Variants in DHX32 observed in about 807,000 individuals in gnomAD.
DHX32 encodes the protein DEAH-box helicase 32 (putative).
Under a neutral mutation model 70.0 loss-of-function variants are expected in DHX32, and 51 were observed. That is an observed-to-expected ratio of 0.73 (90% confidence interval 0.58 to 0.92). The LOEUF is 0.92. Ranked by LOEUF, DHX32 falls within the 40% of genes least tolerant of loss-of-function variation. DHX32 has a pLI of 0.00. For missense variants in DHX32, 762 were observed against 891.8 expected (o/e 0.85, Z 1.85); for synonymous variants, 310 against 315.3 (o/e 0.98, Z 0.18).
At position 125,887,285 on chromosome 10, in the gene DHX32, G is replaced by C. The variant is rs1270318366; in HGVS notation, c.-247-6214C>G. Among the ~76,000 whole-genome samples the C allele has an allele frequency of 2.6e-5, 4 of 152,308 alleles. No individual in the cohort carries two copies. In the East Asian group the frequency reaches 7.7e-4, roughly 29 times the overall value. ...ACATGGTAGGGACACAGTTTGAACA[G>C]GCAGGTCTGGTTAGGTGAGGCTGAG... On this transcript the variant is annotated intron_variant, in intron 1 of 2. Transcript: ENST00000415732.
At position 125,836,815 on chromosome 10, in the gene DHX32, G is replaced by A. The variant is rs748816351; in HGVS notation, c.2104C>T (p.Pro702Ser). 3 of 1,613,992 alleles carry A rather than the reference G, an allele frequency of 1.9e-6. No homozygotes were observed. The highest frequency in any genetic ancestry group is 2.5e-6 in the Non-Finnish European group (3 of 1,180,002). ...AGAATGTCCTTACTTTCACTAGGAG[G>A]CAGATTACTGAAATAGTATTGTGGT... Reference protein sequence around the residue: ...LVPQYYFSNLPPSESKDILQQ... With the variant: ...LVPQYYFSNLSPSESKDILQQ... The change falls in exon 11 of 11, where the codon CCT becomes TCT. Residue 702 changes from proline (P) to serine (S), a missense_variant. Pro to Ser is a moderately conservative substitution (Grantham distance 74). Transcript: ENST00000284690.
At chr10:125,886,392 T>C (rs1944341337) in intron 1 of DHX32, among the ~76,000 whole-genome samples, 1 of 152,214 alleles carries the variant, frequency 6.6e-6, no homozygotes, top group Non-Finnish European at 1.5e-5. Flanking sequence ...TTGTTTTCTG[T>C]TGGTGCCCTT....
chr10:125,875,769 T>C (rs576762269), intron 1 of DHX32, among the ~76,000 whole-genome samples: 3 of 152,350 alleles, frequency 2.0e-5, no homozygotes, highest in Non-Finnish European at 2.9e-5. Flanking sequence ...AACTCCATCT[T>C]GCCTTTCACC....
At chr10:125,877,408 C>T (rs1944290929) in intron 1 of DHX32, among the ~76,000 whole-genome samples, 1 of 152,102 alleles carries the variant, frequency 6.6e-6, no homozygotes, top group Admixed American at 6.5e-5. Flanking sequence ...AACTTTAGGG[C>T]AGGTACAGTG....
At chr10:125,855,170 C>T (rs1438090407) in intron 3 of DHX32, among the ~76,000 whole-genome samples, 11 of 149,860 alleles carry the variant, frequency 7.3e-5, no homozygotes, top group African/African-American at 2.5e-4. Context: ...TGCAGCGAGC[C>T]GAGATCGTGC....
chr10:125,869,363 G>C (rs1944242651), intron 1 of DHX32: 1 of 152,138 alleles, frequency 6.6e-6, no homozygotes, highest in Non-Finnish European at 1.5e-5. Flanking sequence ...ATCACCTGAG[G>C]TCAGGAGTTC....
chr10:125,851,571 T>C, intron 6 of DHX32, among the ~76,000 whole-genome samples: 1 of 152,074 alleles, frequency 6.6e-6, no homozygotes, highest in Non-Finnish European at 1.5e-5. Context: ...GGAAGAGCAA[T>C]TTTCAAAAAT....
At chr10:125,871,856 T>G (rs1397196063) in intron 1 of DHX32, among the ~76,000 whole-genome samples, 2 of 142,802 alleles carry the variant, frequency 1.4e-5, no homozygotes, top group African/African-American at 2.7e-5. Flanking sequence ...TAGTTCTGCT[T>G]CTTTTCTTTT....
At chr10:125,886,670 G>T (rs1477045230) in intron 1 of DHX32, among the ~76,000 whole-genome samples, 5 of 152,312 alleles carry the variant, frequency 3.3e-5, no homozygotes, top group African/African-American at 1.2e-4. Flanking sequence ...TATTTGTAGA[G>T]GCTCCTGGTC....
At chr10:125,838,855 T>A (rs545796355) in intron 9 of DHX32, 146 bp downstream of exon 9, 1 of 956,776 alleles carries the variant, frequency 1.0e-6, no homozygotes, top group South Asian at 1.7e-5. Context: ...AGGGGAAGGA[T>A]ACTTAAGTAC....
intron 10 of DHX32, among the ~76,000 whole-genome samples, chr10:125,837,433 C>G (rs1389845903): frequency 6.6e-6 from 1 of 152,262 alleles, no homozygotes; most frequent in African/African-American, 2.4e-5. Context: ...AGTTATTTTT[C>G]CTTTTTTCTT....
chr10:125,868,918 C>T (rs1229903329), intron 1 of DHX32, among the ~76,000 whole-genome samples: 1 of 152,122 alleles, frequency 6.6e-6, no homozygotes, highest in Non-Finnish European at 1.5e-5. Context: ...CCTGAGGTTG[C>T]TGTTTGTTCC....
In DHX32 at chr10:125,859,962, C is replaced by T. The variant is rs1944175554; in HGVS notation, c.490G>A (p.Asp164Asn). The T allele has an allele frequency of 6.3e-7, 1 of 1,597,460 alleles. No individual in the cohort carries two copies. The highest frequency in any genetic ancestry group is 2.2e-5 in the East Asian group (1 of 44,794). Residue 164 changes from aspartate (D) to asparagine (N), a missense_variant, in exon 3 of 11, where the codon GAT (aspartate) becomes AAT (asparagine). Physicochemically the swap from Asp to Asn is conservative, Grantham distance 23 (BLOSUM62 1). This residue lies in a region of DHX32 where 394 missense variants were observed against 473.1 expected (regional missense o/e 0.83). Coordinates refer to ENST00000284690, the MANE Select transcript of DHX32 (RefSeq NM_018180.3). ...GACATCATTTCTCTTTGCAGCATAT[C>T]ATCAGTACAATACCTATAAAGAAGA... ...NETILRYCTDDMLQREMMSNP... is the reference protein window; with the variant it reads ...NETILRYCTDNMLQREMMSNP...
chr10:125,858,646 C>T (rs906246053), intron 3 of DHX32, among the ~76,000 whole-genome samples: 1 of 152,174 alleles, frequency 6.6e-6, no homozygotes, highest in Non-Finnish European at 1.5e-5. Flanking sequence ...AGCCACTTAT[C>T]TGTTCAGCTG....
chr10:125,863,052 A>T (rs573777902), intron 2 of DHX32, among the ~76,000 whole-genome samples: 6 of 151,924 alleles, frequency 3.9e-5, no homozygotes, highest in Admixed American at 3.9e-4. Context: ...AAATTTCTAA[A>T]AGCTAAGACT....
intron 2 of DHX32, among the ~76,000 whole-genome samples, chr10:125,865,057 A>T (rs1944212673): frequency 6.6e-6 from 1 of 151,664 alleles, no homozygotes; most frequent in Non-Finnish European, 1.5e-5. Context: ...ATCCTTTTAA[A>T]GGGTTTTCAA....
intron 9 of DHX32, among the ~76,000 whole-genome samples, chr10:125,838,732 A>G (rs1854779058): frequency 6.6e-6 from 1 of 152,204 alleles, no homozygotes; most frequent in Non-Finnish European, 1.5e-5. Flanking sequence ...GGTGTGTAGC[A>G]CGCAATGACC....
rs372064812 is a variant in DHX32, at chr10:125,838,232, C to T, written c.2037G>A (p.Arg679=). 3 of 1,609,544 alleles carry T rather than the reference C, an allele frequency of 1.9e-6. No homozygotes were observed. Among genetic ancestry groups the T allele is most frequent in the African/African-American group, 2.7e-5 (2 of 74,732 alleles). ...KFSISENNYI[R]ITSEISPELF... ...GTTCAGGAGAGATTTCTGAGGTAAT[C>T]CTGATGTAGTTGTTCTCAGAAATGC... Residue 679 remains arginine, a synonymous_variant, in exon 10 of 11, where the codon AGG becomes AGA. Transcript: ENST00000284690.
intron 1 of DHX32, among the ~76,000 whole-genome samples, chr10:125,891,727 T>C (rs992540422): frequency 1.0e-3 from 152 of 146,722 alleles, no homozygotes; most frequent in South Asian, 3.3e-3. Context: ...GAAAATATAA[T>C]CATTTTGGGG....
Sources: allele counts gnomAD v4.1 joint callset (sites outside exome capture counted in the v4.1 genomes callset), GRCh38; gene constraint gnomAD v4.1.1; regional missense constraint gnomAD v4.1.1; transcripts MANE v1.5; gene names NCBI Gene and HGNC (gene_info 2026-07-23, HGNC 2026-07-21).